Variants in AFF3 observed in about 807,000 individuals in gnomAD.
AFF3 encodes AF4/FMR2 family member 3.
A neutral mutation model predicts 129.7 loss-of-function variants in AFF3; 32 were observed. The observed-to-expected ratio is 0.25, with a 90% CI of 0.19 to 0.33. The LOEUF (loss-of-function observed/expected upper bound fraction) is 0.33, where lower values mean the gene tolerates loss of function less well. Ranked by LOEUF, AFF3 falls within the 10% of genes least tolerant of loss-of-function variation. The probability of loss-of-function intolerance (pLI) is 1.00; values close to 1 mark genes in which losing one functional copy is unlikely to be tolerated. For synonymous variants in AFF3, 644 were observed against 635.4 expected (o/e 1.01, Z -0.20); for missense variants, 1,373 against 1,592.0 (o/e 0.86, Z 2.34).
intron 24 of AFF3, 111 bp downstream of exon 24, chr2:99,554,200 G>A: frequency 8.7e-7 from 1 of 1,153,224 alleles, no homozygotes; most frequent in Admixed American, 1.9e-5. Flanking sequence ...GTCAAATGAA[G>A]AAAGGATATA....
At chr2:99,597,329 C>G (rs1679388755) in intron 14 of AFF3, among the ~76,000 whole-genome samples, 1 of 152,238 alleles carries the variant, frequency 6.6e-6, no homozygotes, top group African/African-American at 2.4e-5. Flanking sequence ...CAAGAACACT[C>G]CAAACAGTAC....
intron 7 of AFF3, among the ~76,000 whole-genome samples, chr2:99,910,482 A>G (rs977313567): frequency 6.6e-6 from 1 of 152,244 alleles, no homozygotes; most frequent in African/African-American, 2.4e-5. Flanking sequence ...CTGCATGTGC[A>G]AAGGTATGCA....
chr2:99,669,293 C>G (rs1004922498), intron 12 of AFF3, among the ~76,000 whole-genome samples: 3 of 152,130 alleles, frequency 2.0e-5, no homozygotes, highest in African/African-American at 7.2e-5. Context: ...TTCTACTCCC[C>G]GACCCCTGCC....
chr2:100,106,305 C>T, intron 2 of AFF3: 1 of 1,166,508 alleles, frequency 8.6e-7, no homozygotes, highest in Non-Finnish European at 1.1e-6. Flanking sequence ...CCCTCAAAAA[C>T]CCCTCTCATT....
At chr2:99,996,943 C>T (rs781288907) in intron 7 of AFF3, among the ~76,000 whole-genome samples, 8 of 152,054 alleles carry the variant, frequency 5.3e-5, no homozygotes, top group Non-Finnish European at 7.4e-5. Flanking sequence ...CCCCTTTCCT[C>T]GTGGCTTCCC....
intron 1 of AFF3, among the ~76,000 whole-genome samples, chr2:100,141,709 C>A (rs942486474): frequency 3.3e-5 from 5 of 152,100 alleles, no homozygotes; most frequent in Admixed American, 1.3e-4. Flanking sequence ...AGGAAAAAAA[C>A]CCCTTTGTCT....
chr2:99,690,762 T>C (rs1267800687), intron 11 of AFF3, among the ~76,000 whole-genome samples: 3 of 149,698 alleles, frequency 2.0e-5, no homozygotes, highest in African/African-American at 7.4e-5. Flanking sequence ...AAAAGTATAC[T>C]AACCCAAGGT....
chr2:99,831,872 C>T (rs967175200), intron 8 of AFF3, among the ~76,000 whole-genome samples: 2 of 152,190 alleles, frequency 1.3e-5, no homozygotes, highest in East Asian at 3.9e-4. Context: ...GGACTCTCTG[C>T]AAACCACCTT....
chr2:99,736,389 T>G (rs970348312), intron 10 of AFF3, among the ~76,000 whole-genome samples: 1 of 152,200 alleles, frequency 6.6e-6, no homozygotes, highest in African/African-American at 2.4e-5. Flanking sequence ...TTGCTTAAAG[T>G]TTATTTTTCT....
chr2:100,039,375 A>G (rs1685237487), intron 4 of AFF3, among the ~76,000 whole-genome samples: 1 of 152,170 alleles, frequency 6.6e-6, no homozygotes, highest in Non-Finnish European at 1.5e-5. Flanking sequence ...CCTGGGCAAC[A>G]CAGTGAGACC....
chr2:99,675,429 C>CAG (rs1558734102), intron 11 of AFF3, among the ~76,000 whole-genome samples: 1 of 152,206 alleles, frequency 6.6e-6, no homozygotes, highest in African/African-American at 2.4e-5. Context: ...CCGACAGGCA[C>CAG]AGAGGTACAC....
At chr2:99,854,810 T>C (rs1176561712) in intron 7 of AFF3, among the ~76,000 whole-genome samples, 1 of 152,210 alleles carries the variant, frequency 6.6e-6, no homozygotes, top group Non-Finnish European at 1.5e-5. Flanking sequence ...TACCAAAAAC[T>C]TGAAATGAAG....
At chr2:99,976,522 G>GA (rs1678908474) in intron 7 of AFF3, among the ~76,000 whole-genome samples, 1 of 152,156 alleles carries the variant, frequency 6.6e-6, no homozygotes, top group African/African-American at 2.4e-5. Context: ...ATAGAGCTGA[G>GA]GTTTTGGCAA....
chr2:99,741,768 C>T lies in AFF3; in HGVS notation c.1039+2336G>A, dbSNP rs571261636. Reference sequence around the variant, plus strand: ...AAAGAGCCCGCATCGCCAAGTCAATCCTAAGCCAAAAGAACAAAGCTGTAG... The same window carrying T: ...AAAGAGCCCGCATCGCCAAGTCAATTCTAAGCCAAAAGAACAAAGCTGTAG... On this transcript the variant is annotated intron_variant, in intron 10 of 24. Transcript: ENST00000672756. Among the ~76,000 whole-genome samples, 146 of 152,144 alleles carry T rather than the reference C, an allele frequency of 9.6e-4. 1 individual carries two copies. The highest frequency in any genetic ancestry group is 3.3e-3 in the African/African-American group (139 of 41,512).
chr2:99,907,388 G>T (rs146222750), intron 7 of AFF3, among the ~76,000 whole-genome samples: 1 of 152,092 alleles, frequency 6.6e-6, no homozygotes, highest in Non-Finnish European at 1.5e-5. Flanking sequence ...GAAGTAATTC[G>T]AGTATTACCA....
intron 4 of AFF3, among the ~76,000 whole-genome samples, chr2:100,031,455 G>A (rs1390118002): frequency 6.6e-6 from 1 of 152,092 alleles, no homozygotes; most frequent in South Asian, 2.1e-4. Context: ...TACACACAGA[G>A]AGATTAGTAT....
intron 13 of AFF3, among the ~76,000 whole-genome samples, chr2:99,607,528 T>C (rs1332037976): frequency 6.7e-6 from 1 of 149,508 alleles, no homozygotes; most frequent in African/African-American, 2.5e-5. Flanking sequence ...TGAGACTCTG[T>C]CTCAAAAAAA....
chr2:99,631,852 T>C (rs1401536096), intron 13 of AFF3, among the ~76,000 whole-genome samples: 10 of 152,188 alleles, frequency 6.6e-5, no homozygotes, highest in African/African-American at 1.9e-4. Flanking sequence ...CTTTCAATTC[T>C]TTTGGGTAAT....
intron 12 of AFF3, among the ~76,000 whole-genome samples, chr2:99,664,523 A>G (rs1320073692): frequency 6.6e-6 from 1 of 152,214 alleles, no homozygotes; most frequent in African/African-American, 2.4e-5. Context: ...GATCGGATAA[A>G]TGCCTTTTTT....
Sources: gnomAD v4.1 joint callset for allele counts (sites outside exome capture counted in the v4.1 genomes callset) on GRCh38, gnomAD v4.1.1 for gene constraint, MANE v1.5 for transcripts, NCBI Gene and HGNC (gene_info 2026-07-23, HGNC 2026-07-21) for gene names.